NUP93: variants seen among roughly 807,000 people sequenced by gnomAD.
NUP93 encodes the protein nucleoporin 93.
In NUP93, 55 loss-of-function variants were observed where a neutral mutation model predicts 107.8. The observed-to-expected ratio is 0.51, with a 90% CI of 0.41 to 0.64. NUP93 has a LOEUF of 0.64. NUP93 is among the 30% of genes least tolerant of loss of function. The pLI is 0.00. For missense variants in NUP93, 937 were observed against 1,044.7 expected (o/e 0.90, Z 1.42); for synonymous variants, 390 against 397.5 (o/e 0.98, Z 0.22).
chr16:56,835,352 C>T (rs1963888070), intron 16 of NUP93, among the ~76,000 whole-genome samples: 1 of 152,206 alleles, frequency 6.6e-6, no homozygotes, highest in Non-Finnish European at 1.5e-5. Flanking sequence ...ACTTGTCCCT[C>T]AGGGGCTGAG....
rs1964029219 is a variant in NUP93, at chr16:56,841,734, T to A, written c.2250T>A (p.Leu750=). 9.9e-6 allele frequency: 16 copies of A among 1,614,200 alleles called. No homozygotes were observed. Among genetic ancestry groups the A allele is most frequent in the Non-Finnish European group, 1.4e-5 (16 of 1,180,016 alleles). Residue 750 remains leucine (L), a synonymous_variant, in exon 21 of 22, where the codon CTT becomes CTA. Coordinates refer to ENST00000308159, the MANE Select transcript of NUP93 (RefSeq NM_014669.5). ...EIRHNLSEVL[L]ATMNILFTQF... is the part of the protein sequence containing the mutation. Reference sequence around the variant, plus strand: ...GGCACAACCTCTCAGAAGTGCTTCTTGCCACCATGAACATCTTGTTCACAC... The same window carrying A: ...GGCACAACCTCTCAGAAGTGCTTCTAGCCACCATGAACATCTTGTTCACAC...
intron 4 of NUP93, among the ~76,000 whole-genome samples, chr16:56,803,977 C>G (rs1963078148): frequency 6.6e-6 from 1 of 152,056 alleles, no homozygotes; most frequent in Admixed American, 6.6e-5. Flanking sequence ...GTCTTGAACT[C>G]TTGACCTCAA....
intron 1 of NUP93, among the ~76,000 whole-genome samples, chr16:56,739,858 CG>C (rs1450429492): frequency 6.1e-5 from 2 of 32,768 alleles, no homozygotes; most frequent in South Asian, 1.6e-3. Flanking sequence ...GCTCACCCCC[CG>C]ACCTCCCTCC....
At chr16:56,836,499 A>G (rs1331365179) in intron 16 of NUP93, 102 bp from the exon 17 acceptor site, 6 of 715,750 alleles carry the variant, frequency 8.4e-6, no homozygotes, top group Non-Finnish European at 1.2e-5. Context: ...AAGCAATTCC[A>G]CTTGAAGTAT....
chr16:56,839,502 C>G lies in NUP93; in HGVS notation c.2137-19C>G, dbSNP rs772706864. Reference sequence around the variant, plus strand: ...CTGTGATGGTTGTGTTACATGGGGCCGGTGGTTGTTTTAAACAGATCATTG... The same window carrying G: ...CTGTGATGGTTGTGTTACATGGGGCGGGTGGTTGTTTTAAACAGATCATTG... On this transcript the variant is annotated intron_variant, in intron 19 of 21. Transcript: ENST00000308159. 6.3e-7 allele frequency: 1 copy of G among 1,590,384 alleles called. No individual in the cohort carries two copies. The highest frequency in any genetic ancestry group is 8.6e-7 in the Non-Finnish European group (1 of 1,167,370).
intron 3 of NUP93, among the ~76,000 whole-genome samples, chr16:56,769,111 A>G (rs777319427): frequency 6.6e-6 from 1 of 152,180 alleles, no homozygotes; most frequent in African/African-American, 2.4e-5. Context: ...TTTGAGTCCA[A>G]TACTGTGCTC....
At chr16:56,774,904 T>TTTTTG (rs1962385498) in intron 3 of NUP93, among the ~76,000 whole-genome samples, 1 of 128,620 alleles carries the variant, frequency 7.8e-6, no homozygotes, top group African/African-American at 2.9e-5. Context: ...TTTGTTTTTG[T>TTTTTG]TTTTTTTTTT....
chr16:56,844,548 C>A lies in NUP93; in HGVS notation c.2399C>A (p.Pro800Gln). 6.4e-7 allele frequency: 1 copy of A among 1,571,700 alleles called. No individual in the cohort carries two copies. Among genetic ancestry groups the A allele is most frequent in the Non-Finnish European group, 8.6e-7 (1 of 1,159,516 alleles). Reference sequence around the variant, plus strand: ...CTGATTACCTTTGCTGGAATGATACCATACCGAACGTCTGGGGACACCAAT... The same window carrying A: ...CTGATTACCTTTGCTGGAATGATACAATACCGAACGTCTGGGGACACCAAT... Reference protein sequence around the residue: ...RTLITFAGMIPYRTSGDTNAR... With the variant: ...RTLITFAGMIQYRTSGDTNAR... Residue 800 changes from proline to glutamine, a missense_variant, in exon 22 of 22, where the codon CCA becomes CAA. Transcript: ENST00000308159.
In NUP93 at chr16:56,774,998, C is replaced by T. The variant is rs1460956820; in HGVS notation, c.297+16343C>T. ...CATTGCAACCTCCACCTCCCAGGGT[C>T]GAGTGATCCTCCCACCTCAACCTCC... On this transcript the variant is annotated intron_variant, in intron 3 of 21. Coordinates refer to ENST00000308159, the MANE Select transcript of NUP93 (RefSeq NM_014669.5). Among the ~76,000 whole-genome samples the T allele has an allele frequency of 3.3e-5, 5 of 151,544 alleles. 1 individual carries two copies. The highest frequency in any genetic ancestry group is 4.2e-4 in the South Asian group (2 of 4,798).
In NUP93 at chr16:56,738,485, T is replaced by C. The variant is rs150657935; in HGVS notation, c.-15+8274T>C. On this transcript the variant is annotated intron_variant, in intron 1 of 21. Transcript: ENST00000308159. ...CTGCTACTAAATCACCCAAGTCTTT[T>C]TCTTCTGTCTAGGTTAATTTATTTT... Among the ~76,000 whole-genome samples, 1,168 of 152,314 alleles carry C rather than the reference T, an allele frequency of 7.7e-3. 17 individuals are homozygous for C. The highest frequency in any genetic ancestry group is 0.027 in the African/African-American group (1,105 of 41,570).
chr16:56,823,809 G>A lies in NUP93; in HGVS notation c.757G>A (p.Glu253Lys), dbSNP rs1300851112. The change falls in exon 8 of 22, where the codon GAG becomes AAG. Residue 253 changes from glutamate to lysine, a missense_variant. Transcript: ENST00000308159. ...CCGCAGCAGCGTGGAAGTGCGCATG[G>A]AGTTTGTCAGGCAGGCCTTGGCGTA... ...KNRSSVEVRM[E>K]FVRQALAYLE... is the part of the protein sequence containing the mutation. 1 of 1,614,166 alleles carries A rather than the reference G, an allele frequency of 6.2e-7. No individual in the cohort carries two copies. The highest frequency in any genetic ancestry group is 1.1e-5 in the South Asian group (1 of 91,088).
intron 4 of NUP93, among the ~76,000 whole-genome samples, chr16:56,799,721 A>G (rs1379953843): frequency 2.0e-5 from 3 of 152,242 alleles, no homozygotes. Context: ...AAAATAATAA[A>G]GTGAAAAAAA....
intron 21 of NUP93, 136 bp downstream of exon 21, chr16:56,841,969 T>G (rs1964035360): frequency 5.8e-6 from 6 of 1,041,024 alleles, no homozygotes; most frequent in Non-Finnish European, 6.7e-6. Flanking sequence ...AATCTCGTGT[T>G]AGGAGGCTCC....
intron 3 of NUP93, among the ~76,000 whole-genome samples, 199 bp downstream of exon 3, chr16:56,758,854 T>A (rs1962074467): frequency 6.6e-6 from 1 of 152,268 alleles, no homozygotes; most frequent in Non-Finnish European, 1.5e-5. Context: ...TCTGTGTGGC[T>A]GAATTTAAGA....
At chr16:56,752,016 A>G (rs1279077906) in intron 2 of NUP93, among the ~76,000 whole-genome samples, 3 of 152,174 alleles carry the variant, frequency 2.0e-5, no homozygotes, top group African/African-American at 4.8e-5. Context: ...TAAGCCACAC[A>G]CTGAACAGTT....
At chr16:56,801,898 T>C (rs887175030) in intron 4 of NUP93, among the ~76,000 whole-genome samples, 2 of 152,212 alleles carry the variant, frequency 1.3e-5, no homozygotes, top group Admixed American at 6.5e-5. Context: ...TAATTCCCAC[T>C]GTTGTCATTC....
At chr16:56,766,254 A>G (rs1462144814) in intron 3 of NUP93, among the ~76,000 whole-genome samples, 2 of 152,198 alleles carry the variant, frequency 1.3e-5, no homozygotes, top group African/African-American at 4.8e-5. Flanking sequence ...ATGGTTCTCT[A>G]AGAGTATTTT....
At chr16:56,800,138 G>A (rs959537794) in intron 4 of NUP93, among the ~76,000 whole-genome samples, 3 of 152,260 alleles carry the variant, frequency 2.0e-5, no homozygotes, top group African/African-American at 4.8e-5. Context: ...AGCTGAGATC[G>A]TGCCACTGCA....
Position 56,823,861 on chromosome 16 carries a change from G to T in NUP93, c.794+15G>T. The stretch of plus-strand genomic sequence containing the variant: ...CTTGAGCAGAGGTAAGGCAGCAGTA[G>T]CACAGTGGGGCTGGCTTTCACATCC... On this transcript the variant is annotated intron_variant, in intron 8 of 21. Coordinates refer to ENST00000308159, the MANE Select transcript of NUP93 (RefSeq NM_014669.5). 6.2e-7 allele frequency: 1 copy of T among 1,610,202 alleles called. No homozygotes were observed. The highest frequency in any genetic ancestry group is 1.3e-5 in the African/African-American group (1 of 75,004).
Sources: gnomAD v4.1 joint callset for allele counts (sites outside exome capture counted in the v4.1 genomes callset) on GRCh38, gnomAD v4.1.1 for gene constraint, MANE v1.5 for transcripts, NCBI Gene and HGNC (gene_info 2026-07-23, HGNC 2026-07-21) for gene names.